ATP2A3: variants seen among roughly 807,000 people sequenced by gnomAD.
The protein encoded by ATP2A3 is ATPase sarcoplasmic/endoplasmic reticulum Ca2+ transporting 3.
In ATP2A3, 61 loss-of-function variants were observed where a neutral mutation model predicts 106.8. The ratio of observed to expected loss-of-function variants is 0.57; its 90% CI spans 0.46 to 0.71. The LOEUF is 0.71. Among genes scored for constraint, ATP2A3 ranks in the 30% least tolerant of loss-of-function variants. ATP2A3 has a pLI of 0.00. For synonymous variants in ATP2A3, 611 were observed against 609.3 expected (o/e 1.00, Z -0.04); for missense variants, 1,201 against 1,423.5 (o/e 0.84, Z 2.52).
At position 3,953,771 on chromosome 17, in the gene ATP2A3, G is replaced by A. The variant is rs962939217; in HGVS notation, c.119-61C>T. On this transcript the variant is annotated intron_variant, in intron 1 of 20. Transcript: ENST00000397041. The surrounding 1 kb of genome is among the most constrained non-coding windows in gnomAD (Gnocchi z 5.1). ...GACAAGAGAGGAGTGGGTCACGCAGGGGCCTCGGGGGAGTCTGGCAGTGCC... is the reference window on the plus strand; with the variant it reads ...GACAAGAGAGGAGTGGGTCACGCAGAGGCCTCGGGGGAGTCTGGCAGTGCC... 1.4e-5 allele frequency: 22 copies of A among 1,542,498 alleles called. No individual in the cohort carries two copies. In the East Asian group the frequency reaches 4.4e-4, roughly 31 times the overall value.
intron 6 of ATP2A3, 31 bp downstream of exon 6, chr17:3,950,662 C>G (rs368674346): frequency 6.2e-7 from 1 of 1,613,516 alleles, no homozygotes; most frequent in African/African-American, 1.3e-5. Flanking sequence ...TCCTGGCCCA[C>G]TAGGTCCCGG....
chr17:3,925,359 G>A lies in ATP2A3; in HGVS notation c.*63C>T. The A allele has an allele frequency of 6.2e-7, 1 of 1,613,552 alleles. No individual in the cohort carries two copies. The highest frequency in any genetic ancestry group is 1.1e-5 in the South Asian group (1 of 91,020). The stretch of plus-strand genomic sequence containing the variant: ...TGTGGTGGCAAGGGTGGGGGGCGGA[G>A]GCGAACACATGGGCACCATCAGTCT... On this transcript the variant is annotated 3_prime_UTR_variant, in exon 21 of 21. Transcript: ENST00000397041. This position sits in a 1 kb window ranked among gnomAD's most constrained non-coding sequence, Gnocchi z 4.2.
At chr17:3,944,654 G>A (rs2053983522) in intron 10 of ATP2A3, 50 bp downstream of exon 10, 1 of 1,577,036 alleles carries the variant, frequency 6.3e-7, no homozygotes, top group South Asian at 1.1e-5. Flanking sequence ...AAAAGGGTCT[G>A]TCCTGGTCGC....
intron 4 of ATP2A3, 28 bp downstream of exon 4, chr17:3,951,553 G>GGTCCCCCC: frequency 1.5e-6 from 1 of 647,372 alleles, no homozygotes; most frequent in African/African-American, 3.1e-5. Context: ...ACCGCCCCCC[G>GGTCCCCCC]CCCGGTCCCA....
In ATP2A3 at chr17:3,935,512, C is replaced by T. The variant is rs112108966; in HGVS notation, c.2525-235G>A. On this transcript the variant is annotated intron_variant, in intron 16 of 20. Transcript: ENST00000397041. Reference sequence around the variant, plus strand: ...ATGAGCAGGTGAACCCTATGTGGGCCAATGAGAACAGGCCTGTTGAGACTT... The same window carrying T: ...ATGAGCAGGTGAACCCTATGTGGGCTAATGAGAACAGGCCTGTTGAGACTT... Among the ~76,000 whole-genome samples the T allele has an allele frequency of 5.4e-3, 806 of 149,044 alleles. 5 individuals are homozygous for T. Among genetic ancestry groups the T allele is most frequent in the African/African-American group, 0.019 (772 of 40,500 alleles).
At chr17:3,943,293 G>GAAACA in intron 11 of ATP2A3, 98 bp downstream of exon 11, 2 of 1,473,616 alleles carry the variant, frequency 1.4e-6, no homozygotes, top group East Asian at 2.3e-5. Flanking sequence ...AAAACAAAAC[G>GAAACA]AAACAAAACA....
At position 3,941,639 on chromosome 17, in the gene ATP2A3, C is replaced by T. The variant is rs376447253; in HGVS notation, c.1561G>A (p.Val521Met). Residue 521 changes from valine (V) to methionine (M), a missense_variant, in exon 13 of 21, where the codon GTG (valine) becomes ATG (methionine). Physicochemically the swap from Val to Met is conservative, Grantham distance 21. This residue lies in a region of ATP2A3 where 935 missense variants were observed against 1,176.7 expected (regional missense o/e 0.79). Coordinates refer to ENST00000397041, the MANE Select transcript of ATP2A3 (RefSeq NM_005173.4). ...KMFVKGAPES[V>M]IERCSSVRVG... Reference sequence around the variant, plus strand: ...CGGACTGAGCTACAGCGCTCGATCACACTCTCAGGAGCCCCCTGCGAGGTG... The same window carrying T: ...CGGACTGAGCTACAGCGCTCGATCATACTCTCAGGAGCCCCCTGCGAGGTG... 6.2e-6 allele frequency: 10 copies of T among 1,608,386 alleles called. No individual in the cohort carries two copies. Among genetic ancestry groups the T allele is most frequent in the East Asian group, 2.2e-5 (1 of 44,896 alleles).
chr17:3,960,058 A>G (rs7210028), intron 1 of ATP2A3, among the ~76,000 whole-genome samples: 23,384 of 152,102 alleles, frequency 0.15, 2,421 homozygotes, highest in African/African-American at 0.28. Flanking sequence ...GAGCTTCCAA[A>G]GGGCTGTGGG....
chr17:3,938,272 G>A (rs58055949), intron 14 of ATP2A3, among the ~76,000 whole-genome samples: 27,806 of 152,044 alleles, frequency 0.18, 2,635 homozygotes, highest in Middle Eastern at 0.29. Context: ...CATCTCTACT[G>A]AAAATACAAA....
intron 14 of ATP2A3, among the ~76,000 whole-genome samples, chr17:3,939,839 T>C (rs1340632500): frequency 4.5e-5 from 5 of 111,674 alleles, no homozygotes; most frequent in Admixed American, 9.2e-5. Flanking sequence ...ACAAGGCAGA[T>C]AGATCTCAAA....
Position 3,947,777 on chromosome 17 carries a change from T to C in ATP2A3, c.709A>G (p.Ser237Gly). The change falls in exon 8 of 21, where the codon AGC becomes GGC. Residue 237 changes from serine to glycine, a missense_variant. Ser to Gly is a moderately conservative substitution (Grantham distance 56). Transcript: ENST00000397041. The surrounding 1 kb of genome is among the most constrained non-coding windows in gnomAD (Gnocchi z 7.7). ...GLHTELGKIR[S>G]QMAAVEPERT... ...TCGGGCTCGACTGCCGCCATCTGGC[T>C]CCGGATCTTGCCCAGCTCCGTGTGC... 2 of 1,602,986 alleles carry C rather than the reference T, an allele frequency of 1.2e-6. No homozygotes were observed. The highest frequency in any genetic ancestry group is 8.5e-7 in the Non-Finnish European group (1 of 1,179,822).
chr17:3,962,383 A>C (rs1177620762), intron 1 of ATP2A3, among the ~76,000 whole-genome samples: 1 of 152,220 alleles, frequency 6.6e-6, no homozygotes, highest in East Asian at 1.9e-4. Flanking sequence ...ATGAGATAAT[A>C]GATGAAAAAT....
intron 20 of ATP2A3, chr17:3,927,234 C>G (rs547780963): frequency 3.0e-6 from 3 of 985,488 alleles, no homozygotes; most frequent in South Asian, 9.4e-5. Context: ...CCTCCACCAT[C>G]CAGCAGCCAA....
chr17:3,937,769 G>A (rs1457156707), intron 14 of ATP2A3, 133 bp from the exon 15 acceptor site: 13 of 943,352 alleles, frequency 1.4e-5, no homozygotes, highest in Admixed American at 2.0e-5. Context: ...ACAAATGGTG[G>A]GTTCAAGAAT....
Position 3,930,727 on chromosome 17 carries a change from C to T in ATP2A3, c.2611-293G>A, listed in dbSNP as rs970481623. 10 of 517,088 alleles carry T rather than the reference C, an allele frequency of 1.9e-5. No homozygotes were observed. The highest frequency in any genetic ancestry group is 1.7e-4 in the East Asian group (5 of 28,582). The allele number at this position is 517,088 out of a possible 1,614,324, so 32.0% of individuals were successfully genotyped here. ...GCTGGCATTAGCCTGGGGAGGCTAGCGGGAGCCTGGAGATCACTGAATAGG... is the reference window on the plus strand; with the variant it reads ...GCTGGCATTAGCCTGGGGAGGCTAGTGGGAGCCTGGAGATCACTGAATAGG... On this transcript the variant is annotated intron_variant, in intron 17 of 20. Coordinates refer to ENST00000397041, the MANE Select transcript of ATP2A3 (RefSeq NM_005173.4). This position sits in a 1 kb window ranked among gnomAD's most constrained non-coding sequence, Gnocchi z 5.4.
chr17:3,958,523 C>A (rs1025547692), intron 1 of ATP2A3, among the ~76,000 whole-genome samples: 2 of 151,914 alleles, frequency 1.3e-5, no homozygotes, highest in Non-Finnish European at 2.9e-5. Flanking sequence ...CCCCACCTGC[C>A]CTTCTAGGAT....
rs1555565898 is a variant in ATP2A3 at position 3,955,892 on chromosome 17, T to TTTTA, written c.119-2183_119-2182insTAAA. ...CTCTTATTTTATTTTATTTTATTTT[T>TTTTA]TTTTTTTGAGATGGAGTCTTGCTCT... On this transcript the variant is annotated intron_variant, in intron 1 of 20. Transcript: ENST00000397041. This position sits in a 1 kb window ranked among gnomAD's most constrained non-coding sequence, Gnocchi z 4.2. 2.3e-4 allele frequency among the ~76,000 whole-genome samples: 35 copies of TTTTA among 150,814 alleles called. No homozygotes were observed. The highest frequency in any genetic ancestry group is 4.2e-4 in the African/African-American group (17 of 40,844).
At chr17:3,933,594 G>A (rs12953026) in intron 17 of ATP2A3, among the ~76,000 whole-genome samples, 23,461 of 150,924 alleles carry the variant, frequency 0.16, 2,307 homozygotes, top group African/African-American at 0.22. Context: ...AAATTAGCCG[G>A]GCATGGTGGT....
At position 3,953,897 on chromosome 17, in the gene ATP2A3, C is replaced by T. The variant is rs546919876; in HGVS notation, c.119-187G>A. Among the ~76,000 whole-genome samples the T allele has an allele frequency of 1.3e-5, 2 of 152,242 alleles. No homozygotes were observed. The highest frequency in any genetic ancestry group is 1.9e-4 in the East Asian group (1 of 5,160). On this transcript the variant is annotated intron_variant, in intron 1 of 20. Transcript: ENST00000397041. The surrounding 1 kb of genome is among the most constrained non-coding windows in gnomAD (Gnocchi z 5.1). Reference sequence around the variant, plus strand: ...GGTTTGAGCCCAAATGCTTCCACCCCTCTACCCTCCCCCGACTCAGATTGA... The same window carrying T: ...GGTTTGAGCCCAAATGCTTCCACCCTTCTACCCTCCCCCGACTCAGATTGA...
Sources: allele counts gnomAD v4.1 joint callset (sites outside exome capture counted in the v4.1 genomes callset), GRCh38; gene constraint gnomAD v4.1.1; regional missense constraint gnomAD v4.1.1; non-coding constraint Gnocchi (gnomAD v3.1); transcripts MANE v1.5; gene names NCBI Gene and HGNC (gene_info 2026-07-23, HGNC 2026-07-21).